Variants in TLL2 observed in about 807,000 individuals in gnomAD.
TLL2 encodes tolloid like 2.
Under a neutral mutation model 123.0 loss-of-function variants are expected in TLL2, and 106 were observed. That is an observed-to-expected ratio of 0.86 (90% CI 0.74 to 1.01). The LOEUF (loss-of-function observed/expected upper bound fraction) is 1.01. Among genes scored for constraint, TLL2 ranks in the 50% least tolerant of loss-of-function variants. The probability of loss-of-function intolerance (pLI) is 0.00; values close to 1 mark genes in which losing one functional copy is unlikely to be tolerated. For missense variants in TLL2, 1,332 were observed against 1,336.7 expected, an observed-to-expected ratio of 1.00 and a Z score of 0.06; for synonymous variants, 494 against 516.8, an observed-to-expected ratio of 0.96 and a Z score of 0.60.
chr10:96,373,751 A>G lies in TLL2; in HGVS notation c.2507T>C (p.Met836Thr), dbSNP rs759299230. Residue 836 changes from methionine to threonine, a missense_variant, in exon 19 of 21, where the codon ATG becomes ACG. Transcript: ENST00000357947. ...GGCCAGGCTGTCCGGCCCGTCATAC[A>G]TTTCCAGGTGGTCATAGGCACATTC... ...HQECAYDHLE[M>T]YDGPDSLAPI... 9 of 1,614,092 alleles carry G rather than the reference A, an allele frequency of 5.6e-6. No homozygotes were observed. The highest frequency in any genetic ancestry group is 1.3e-5 in the African/African-American group (1 of 74,944).
chr10:96,379,238 G>A, intron 16 of TLL2, 146 bp from the exon 17 acceptor site: 2 of 1,060,848 alleles, frequency 1.9e-6, no homozygotes, highest in East Asian at 5.0e-5. Context: ...CACTGGAGGA[G>A]TGAAGTGGGA....
intron 2 of TLL2, among the ~76,000 whole-genome samples, chr10:96,470,113 T>C (rs764133659): frequency 9.9e-5 from 15 of 152,126 alleles, no homozygotes; most frequent in Non-Finnish European, 2.2e-4. Context: ...TGAGAATCTG[T>C]ACAAAGGGCC....
chr10:96,406,166 G>C (rs1290894464), intron 9 of TLL2, among the ~76,000 whole-genome samples: 1 of 152,076 alleles, frequency 6.6e-6, no homozygotes, highest in East Asian at 1.9e-4. Flanking sequence ...CAGCACACAG[G>C]TGCTGTACCT....
chr10:96,432,748 C>T, intron 4 of TLL2, 59 bp downstream of exon 4: 1 of 1,580,574 alleles, frequency 6.3e-7, no homozygotes. Context: ...GAAGGACTCT[C>T]TCAACCCAGG....
intron 17 of TLL2, among the ~76,000 whole-genome samples, chr10:96,377,078 C>CA (rs1359270470): frequency 6.6e-6 from 1 of 152,312 alleles, no homozygotes; most frequent in East Asian, 1.9e-4. Flanking sequence ...GTTATCCTTG[C>CA]AAATATGTTA....
At chr10:96,382,751 T>G (rs1846197365) in intron 16 of TLL2, among the ~76,000 whole-genome samples, 2 of 152,260 alleles carry the variant, frequency 1.3e-5, no homozygotes, top group South Asian at 4.1e-4. Context: ...CCCTTGATTT[T>G]GGACTTCCCA....
intron 1 of TLL2, among the ~76,000 whole-genome samples, chr10:96,497,585 T>G (rs1299298136): frequency 6.6e-6 from 1 of 152,196 alleles, no homozygotes; most frequent in Non-Finnish European, 1.5e-5. Context: ...GCTACAGGTC[T>G]AGCCATAGAC....
intron 5 of TLL2, 133 bp from the exon 6 acceptor site, chr10:96,422,860 G>A: frequency 9.3e-7 from 1 of 1,074,590 alleles, no homozygotes. Flanking sequence ...GGGTGCAGTG[G>A]CTTACGCCTG....
chr10:96,463,920 T>G (rs1847105006), intron 2 of TLL2, among the ~76,000 whole-genome samples: 2 of 152,090 alleles, frequency 1.3e-5, no homozygotes, highest in Admixed American at 1.3e-4. Flanking sequence ...GGCAGTGAAG[T>G]GGAGATCAGG....
chr10:96,402,328 G>A (rs1846404671), intron 10 of TLL2, among the ~76,000 whole-genome samples: 1 of 152,174 alleles, frequency 6.6e-6, no homozygotes, highest in African/African-American at 2.4e-5. Context: ...ACTAGATTTG[G>A]GCACATGCCC....
chr10:96,448,143 G>A (rs1024143251), intron 2 of TLL2, among the ~76,000 whole-genome samples: 5 of 152,192 alleles, frequency 3.3e-5, no homozygotes, highest in African/African-American at 7.2e-5. Context: ...ACAGCCAGGC[G>A]GAGATGGGAG....
At position 96,365,000 on chromosome 10, in the gene TLL2, T is replaced by C. The variant is rs961679267; in HGVS notation, c.*3088A>G. 1.3e-5 allele frequency: 2 copies of C among 152,192 alleles called. No individual in the cohort carries two copies. The highest frequency in any genetic ancestry group is 4.8e-5 in the African/African-American group (2 of 41,436). The allele number at this position is 152,192 out of a possible 1,614,324, so 9.4% of individuals were successfully genotyped here. ...AATCAGCTGAGCAATTCATGAGTGA[T>C]ATGAAACTTTACAGCAGGGGTGTCC... On this transcript the variant is annotated 3_prime_UTR_variant, in exon 21 of 21. Coordinates refer to ENST00000357947, the MANE Select transcript of TLL2 (RefSeq NM_012465.4).
intron 19 of TLL2, among the ~76,000 whole-genome samples, chr10:96,370,820 A>C (rs10736108): frequency 6.6e-6 from 1 of 152,124 alleles, no homozygotes; most frequent in African/African-American, 2.4e-5. Flanking sequence ...CAGACCCTAA[A>C]TGACTGGTTT....
At chr10:96,409,388 C>A (rs75912715) in intron 9 of TLL2, among the ~76,000 whole-genome samples, 1 of 152,146 alleles carries the variant, frequency 6.6e-6, no homozygotes, top group Non-Finnish European at 1.5e-5. Flanking sequence ...CTGGGGGTAT[C>A]CCCTAACCTA....
chr10:96,428,489 A>C (rs1846700802), intron 5 of TLL2, 142 bp downstream of exon 5: 4 of 611,288 alleles, frequency 6.5e-6, no homozygotes, highest in Non-Finnish European at 1.1e-5. Context: ...TTGTAATTTC[A>C]CCAAGGGCAG....
rs773055615 is a variant in TLL2 at position 96,421,016 on chromosome 10, G to A, written c.863C>T (p.Ser288Phe). 1.4e-5 allele frequency: 23 copies of A among 1,613,988 alleles called. No homozygotes were observed. Among genetic ancestry groups the A allele is most frequent in the Non-Finnish European group, 1.9e-5 (23 of 1,180,004 alleles). The change falls in exon 7 of 21, where the codon TCT becomes TTT. Residue 288 changes from serine to phenylalanine, a missense_variant. By Grantham distance (155) the Ser-to-Phe change is radical. Transcript: ENST00000357947. The part of the protein sequence containing the change: ...FLKMEAGEVS[S>F]LGETYDFDSI... ...GTCAAAGTCGTATGTCTCTCCCAGAGAGCTCACTTCCCCAGCTTCCATTTT... is the reference window on the plus strand; with the variant it reads ...GTCAAAGTCGTATGTCTCTCCCAGAAAGCTCACTTCCCCAGCTTCCATTTT...
At position 96,368,068 on chromosome 10, in the gene TLL2, G is replaced by A; in HGVS notation, c.*20C>T. ...AAAACAAAAAAAATTCTCAGTTTCTGTCTTTCAAGAACATCAGCACTATTT... is the reference window on the plus strand; with the variant it reads ...AAAACAAAAAAAATTCTCAGTTTCTATCTTTCAAGAACATCAGCACTATTT... On this transcript the variant is annotated 3_prime_UTR_variant, in exon 21 of 21. Transcript: ENST00000357947. The A allele has an allele frequency of 6.2e-7, 1 of 1,610,904 alleles. No homozygotes were observed. Among genetic ancestry groups the A allele is most frequent in the Non-Finnish European group, 8.5e-7 (1 of 1,178,514 alleles).
intron 19 of TLL2, chr10:96,373,385 C>A (rs754216734): frequency 2.2e-5 from 11 of 493,152 alleles, no homozygotes; most frequent in Non-Finnish European, 3.0e-5. Context: ...AGATGATCCG[C>A]CTGCCTCGGC....
At chr10:96,372,103 A>G (rs562971376) in intron 19 of TLL2, among the ~76,000 whole-genome samples, 1 of 152,212 alleles carries the variant, frequency 6.6e-6, no homozygotes, top group African/African-American at 2.4e-5. Flanking sequence ...ACCCTGAAGC[A>G]CCTGTGTTCC....
Sources: gnomAD v4.1 joint callset for allele counts (sites outside exome capture counted in the v4.1 genomes callset) on GRCh38, gnomAD v4.1.1 for gene constraint, MANE v1.5 for transcripts, NCBI Gene and HGNC (gene_info 2026-07-23, HGNC 2026-07-21) for gene names.